Variants in DCDC1 observed in about 807,000 individuals in gnomAD.
DCDC1 encodes doublecortin domain-containing protein 1.
DCDC1 carries 200 observed loss-of-function variants against 178.3 expected under a neutral mutation model. The ratio of observed to expected loss-of-function variants is 1.12; its 90% CI spans 1.00 to 1.26. The LOEUF (loss-of-function observed/expected upper bound fraction) is 1.26, where lower values mean the gene tolerates loss of function less well. Ranked by LOEUF, DCDC1 falls within the 50% of genes most tolerant of loss-of-function variation. The pLI is 0.00. For synonymous variants in DCDC1, 690 were observed against 604.8 expected, an observed-to-expected ratio of 1.14 and a Z score of -2.07; for missense variants, 1,983 against 1,749.2, an observed-to-expected ratio of 1.13 and a Z score of -2.38.
intron 8 of DCDC1, among the ~76,000 whole-genome samples, chr11:31,243,152 G>C (rs1172491590): frequency 6.6e-6 from 1 of 151,308 alleles, no homozygotes; most frequent in South Asian, 2.1e-4. Flanking sequence ...TATTATAAAA[G>C]CAATAAAAAT....
At chr11:31,073,372 G>C (rs973376372) in intron 18 of DCDC1, among the ~76,000 whole-genome samples, 2 of 150,882 alleles carry the variant, frequency 1.3e-5, no homozygotes, top group Non-Finnish European at 3.0e-5. Flanking sequence ...GGATATGAAG[G>C]CACCTAAATT....
chr11:31,361,613 T>C (rs1035316205), intron 1 of DCDC1, among the ~76,000 whole-genome samples: 1 of 152,136 alleles, frequency 6.6e-6, no homozygotes, highest in Non-Finnish European at 1.5e-5. Flanking sequence ...TCTGAGTAGC[T>C]GGCACTACAG....
rs111407354 is a variant in DCDC1, at chr11:31,361,202, G to C, written c.-125+8495C>G. 8.0e-3 allele frequency among the ~76,000 whole-genome samples: 1,225 copies of C among 152,194 alleles called. 22 individuals carry two copies. Among genetic ancestry groups the C allele is most frequent in the African/African-American group, 0.028 (1,173 of 41,518 alleles). ...AAATAAAAAGAACGGTTTTAAAGTA[G>C]CATGTAAAAAATCCATTTTATTGAT... On this transcript the variant is annotated intron_variant, in intron 1 of 38. Coordinates refer to ENST00000684477, the MANE Select transcript of DCDC1 (RefSeq NM_001387274.1).
chr11:30,943,880 C>A (rs1274041036), intron 21 of DCDC1: 5 of 282,138 alleles, frequency 1.8e-5, no homozygotes, highest in Non-Finnish European at 2.8e-5. Flanking sequence ...CTGAGAGGTA[C>A]ATAGTTTTTA....
chr11:31,243,829 C>G (rs1369785641), intron 8 of DCDC1, among the ~76,000 whole-genome samples: 5 of 151,744 alleles, frequency 3.3e-5, no homozygotes, highest in Non-Finnish European at 7.4e-5. Context: ...TAAGGGACTT[C>G]AGAATCTGCT....
intron 20 of DCDC1, among the ~76,000 whole-genome samples, chr11:30,986,983 A>G (rs1950690258): frequency 6.6e-6 from 1 of 152,110 alleles, no homozygotes; most frequent in Admixed American, 6.6e-5. Context: ...CCGAAAAAGT[A>G]GAATGCCATT....
Position 30,952,575 on chromosome 11 carries a change from C to A in DCDC1, c.2592-7G>T, listed in dbSNP as rs1286832673. 2 of 1,222,884 alleles carry A rather than the reference C, an allele frequency of 1.6e-6. No individual in the cohort carries two copies. The highest frequency in any genetic ancestry group is 2.1e-5 in the Admixed American group (1 of 47,416). The allele number at this position is 1,222,884 out of a possible 1,614,324, so 75.8% of individuals were successfully genotyped here. A position where few individuals can be genotyped will look rare whatever the true frequency, so the allele number is the denominator to read the frequency against. On this transcript the variant is annotated splice_region_variant and splice_polypyrimidine_tract_variant and intron_variant, in intron 20 of 38. Transcript: ENST00000684477. ...TTCATGTTTTATGGCCCACCTAAAA[C>A]AAAAGATAAAAAACAAAAAGAAATT...
chr11:30,922,427 T>C (rs1248185368), intron 24 of DCDC1, 76 bp downstream of exon 24: 7 of 1,405,060 alleles, frequency 5.0e-6, no homozygotes, highest in Non-Finnish European at 4.6e-6. Context: ...AAACAAACTT[T>C]GACTTTTTAA....
intron 20 of DCDC1, among the ~76,000 whole-genome samples, chr11:31,059,840 A>G (rs538169634): frequency 6.6e-6 from 1 of 152,216 alleles, no homozygotes; most frequent in South Asian, 2.1e-4. Flanking sequence ...CTCTTATGCT[A>G]CTGTATACTC....
intron 9 of DCDC1, among the ~76,000 whole-genome samples, chr11:31,220,838 T>C (rs1207299469): frequency 1.3e-5 from 2 of 152,262 alleles, no homozygotes; most frequent in East Asian, 3.9e-4. Context: ...AGTGCGAGTA[T>C]GGTCAAGTTC....
At chr11:30,953,900 G>T (rs559074541) in intron 20 of DCDC1, among the ~76,000 whole-genome samples, 60 of 148,266 alleles carry the variant, frequency 4.0e-4, no homozygotes, top group African/African-American at 1.5e-3. Context: ...AGATGAATAA[G>T]AATGTAAGAC....
intron 37 of DCDC1, among the ~76,000 whole-genome samples, chr11:30,880,755 TTTAC>T (rs1454304710): frequency 6.6e-6 from 1 of 152,130 alleles, no homozygotes; most frequent in African/African-American, 2.4e-5. Flanking sequence ...CTAGAAAATA[TTTAC>T]TTATTACTAA....
intron 27 of DCDC1, among the ~76,000 whole-genome samples, chr11:30,912,837 C>A (rs111344778): frequency 6.1e-4 from 93 of 152,064 alleles, no homozygotes; most frequent in African/African-American, 2.1e-3. Flanking sequence ...GTATATATAC[C>A]CTAATTTACT....
chr11:31,236,647 GA>G (rs571773392), intron 9 of DCDC1, among the ~76,000 whole-genome samples: 26 of 147,102 alleles, frequency 1.8e-4, no homozygotes, highest in East Asian at 3.9e-4. Flanking sequence ...TTGGTTTCAG[GA>G]AAAAAAAAAT....
chr11:31,146,446 C>T (rs573509158), intron 9 of DCDC1, among the ~76,000 whole-genome samples: 3 of 152,264 alleles, frequency 2.0e-5, no homozygotes, highest in South Asian at 2.1e-4. Context: ...TCCTTTTCCC[C>T]GTTGGTTTAC....
At chr11:31,139,909 G>C (rs891215932) in intron 9 of DCDC1, among the ~76,000 whole-genome samples, 5 of 152,156 alleles carry the variant, frequency 3.3e-5, no homozygotes, top group Admixed American at 6.5e-5. Flanking sequence ...GAAATAAATG[G>C]TCATCAAAAT....
intron 3 of DCDC1, among the ~76,000 whole-genome samples, chr11:31,309,133 AATAG>A (rs1291071725): frequency 9.0e-6 from 1 of 110,968 alleles, no homozygotes; most frequent in Non-Finnish European, 2.0e-5. Flanking sequence ...TCAGAGGGAA[AATAG>A]ATGTTTGTGT....
rs1176942329 is a variant in DCDC1, at chr11:31,328,945, CTTTTTTTTTTTTTTT to C, written c.-6-674_-6-660del. Among the ~76,000 whole-genome samples, 21 of 47,800 alleles carry C rather than the reference CTTTTTTTTTTTTTTT, an allele frequency of 4.4e-4. 2 individuals are homozygous for C. The East Asian group carries it at 9.3e-3, about 21-fold the overall frequency. The allele number at this position is 47,800 out of a possible 152,430, so 31.4% of individuals were successfully genotyped here. A position where few individuals can be genotyped will look rare whatever the true frequency, so the allele number is the denominator to read the frequency against. On this transcript the variant is annotated intron_variant, in intron 2 of 38. Coordinates refer to ENST00000684477, the MANE Select transcript of DCDC1 (RefSeq NM_001387274.1). ...GTTACTGAAAAAGCACACCACAAGG[CTTTTTTTTTTTTTTT>C]TTTTTTTTTTTTTTGTCTGTCCTTC...
intron 10 of DCDC1, among the ~76,000 whole-genome samples, chr11:31,131,842 C>T (rs948769570): frequency 1.3e-5 from 2 of 152,032 alleles, no homozygotes; most frequent in Non-Finnish European, 2.9e-5. Context: ...GCAAGTCACA[C>T]ACAAAAAAAG....
Sources: gnomAD v4.1 joint callset for allele counts (sites outside exome capture counted in the v4.1 genomes callset) on GRCh38, gnomAD v4.1.1 for gene constraint, MANE v1.5 for transcripts, NCBI Gene and HGNC (gene_info 2026-07-23, HGNC 2026-07-21) for gene names.